SDE2: variants seen among roughly 807,000 people sequenced by gnomAD.
SDE2 encodes the protein splicing regulator SDE2.
Under a neutral mutation model 46.9 loss-of-function variants are expected in SDE2, and 31 were observed. That is an observed-to-expected ratio of 0.66 (90% CI 0.50 to 0.89). The LOEUF is 0.89. Ranked by LOEUF, SDE2 falls within the 40% of genes least tolerant of loss-of-function variation. SDE2 has a pLI of 0.00. For missense variants in SDE2, 542 were observed against 564.4 expected (o/e 0.96, Z 0.40); for synonymous variants, 205 against 204.3 (o/e 1.00, Z -0.03).
chr1:225,992,394 T>A lies in SDE2; in HGVS notation c.520+4A>T. ...TGAACACACTAAGGAATCCTCATTC[T>A]CACCTTTGAGGACGGAATCCTCCAG... is the stretch of plus-strand genomic sequence containing the variant. On this transcript the variant is annotated splice_donor_region_variant and intron_variant, in intron 4 of 6. Transcript: ENST00000272091. 6.2e-7 allele frequency: 1 copy of A among 1,611,584 alleles called. No individual in the cohort carries two copies. Among genetic ancestry groups the A allele is most frequent in the African/African-American group, 1.3e-5 (1 of 75,008 alleles).
chr1:225,993,549 T>C (rs1335767191), intron 2 of SDE2, among the ~76,000 whole-genome samples: 2 of 151,976 alleles, frequency 1.3e-5, no homozygotes, highest in African/African-American at 2.4e-5. Context: ...GAGGCAGAGC[T>C]TGCAGTGAGC....
chr1:225,993,012 T>A lies in SDE2; in HGVS notation c.239-10A>T, dbSNP rs760424116. Reference sequence around the variant, plus strand: ...AGCATAGATCCAAAACCTGAGCAGATGTATTTGGAGAAAGCAGGTTAAAAT... The same window carrying A: ...AGCATAGATCCAAAACCTGAGCAGAAGTATTTGGAGAAAGCAGGTTAAAAT... On this transcript the variant is annotated splice_polypyrimidine_tract_variant and intron_variant, in intron 2 of 6. Transcript: ENST00000272091. 6.7e-7 allele frequency: 1 copy of A among 1,500,794 alleles called. No homozygotes were observed. The highest frequency in any genetic ancestry group is 1.7e-5 in the Admixed American group (1 of 58,888). The allele number at this position is 1,500,794 out of a possible 1,614,324, so 93.0% of individuals were successfully genotyped here.
intron 5 of SDE2, among the ~76,000 whole-genome samples, chr1:225,990,655 A>G (rs1398861702): frequency 6.6e-6 from 1 of 152,218 alleles, no homozygotes; most frequent in Admixed American, 6.5e-5. Context: ...CAAACATTGT[A>G]TGCTGAACTC....
At chr1:225,988,747 CAA>C (rs1656327024) in intron 5 of SDE2, among the ~76,000 whole-genome samples, 1 of 151,978 alleles carries the variant, frequency 6.6e-6, no homozygotes, top group African/African-American at 2.4e-5. Context: ...ATAAATAAAG[CAA>C]AGAGTTATAG....
chr1:225,985,624 T>A (rs1422631473), intron 6 of SDE2, 101 bp from the exon 7 acceptor site: 3 of 719,786 alleles, frequency 4.2e-6, no homozygotes, highest in Non-Finnish European at 7.1e-6. Context: ...TCATTTAATT[T>A]GCCATACCTT....
intron 2 of SDE2, among the ~76,000 whole-genome samples, chr1:225,994,551 CTAG>C (rs1374496810): frequency 6.6e-6 from 1 of 152,158 alleles, no homozygotes; most frequent in Non-Finnish European, 1.5e-5. Flanking sequence ...GTTATCTTTC[CTAG>C]TAGTTGTGTT....
At chr1:225,997,259 T>C (rs75733419) in intron 1 of SDE2, among the ~76,000 whole-genome samples, 1,882 of 152,208 alleles carry the variant, frequency 0.012, 11 homozygotes, top group Middle Eastern at 0.024. Flanking sequence ...TCAGTGGGAG[T>C]TAACACTAAC....
intron 1 of SDE2, among the ~76,000 whole-genome samples, chr1:225,998,624 C>T (rs779027969): frequency 6.6e-6 from 1 of 152,140 alleles, no homozygotes; most frequent in Non-Finnish European, 1.5e-5. Flanking sequence ...CAAATGAGAC[C>T]ATCAAATTAA....
At position 225,992,432 on chromosome 1, in the gene SDE2, C is replaced by T; in HGVS notation, c.486G>A (p.Glu162=). ...TSPDYQQQCH[E]MAERLEDSVL... ...CGGAATCCTCCAGACGCTCAGCCAT[C>T]TCATGGCACTGCTGCTGGTAGTCGG... is the stretch of plus-strand genomic sequence containing the variant. The change falls in exon 4 of 7, where the codon GAG becomes GAA. Residue 162 remains glutamate, a synonymous_variant. Coordinates refer to ENST00000272091, the MANE Select transcript of SDE2 (RefSeq NM_152608.4). 1 of 1,613,714 alleles carries T rather than the reference C, an allele frequency of 6.2e-7. No homozygotes were observed. The highest frequency in any genetic ancestry group is 8.5e-7 in the Non-Finnish European group (1 of 1,179,924).
rs755760365 is a variant in SDE2, at chr1:225,992,545, G to T, written c.373C>A (p.Gln125Lys). 6.2e-7 allele frequency: 1 copy of T among 1,609,040 alleles called. No individual in the cohort carries two copies. The highest frequency in any genetic ancestry group is 8.5e-7 in the Non-Finnish European group (1 of 1,179,270). Residue 125 changes from glutamine to lysine, a missense_variant, in exon 4 of 7, where the codon CAA becomes AAA. Physicochemically the swap from Gln to Lys is moderately conservative, Grantham distance 53. Around this residue, in one of 3 missense-constraint regions of SDE2, gnomAD observed 401 missense variants for 437.8 expected, o/e 0.92. Transcript: ENST00000272091. ...EKAMAEWVKQQAEREAEKEQK... is the reference protein window; with the variant it reads ...EKAMAEWVKQKAEREAEKEQK... The stretch of plus-strand genomic sequence containing the variant: ...TCCTTTTCAGCCTCTCGCTCGGCTT[G>T]TTGTTTTACCCATTCAGCCATTCTG...
intron 2 of SDE2, 89 bp from the exon 3 acceptor site, chr1:225,993,091 T>C: frequency 1.7e-6 from 1 of 603,796 alleles, no homozygotes; most frequent in African/African-American, 1.9e-5. Context: ...TATCACAAGA[T>C]TAACAATGAT....
At chr1:225,993,151 G>C (rs921887044) in intron 2 of SDE2, 149 bp from the exon 3 acceptor site, 1 of 531,474 alleles carries the variant, frequency 1.9e-6, no homozygotes, top group Non-Finnish European at 3.3e-6. Context: ...GAACATCAAG[G>C]TTCTAATTCA....
Position 225,991,233 on chromosome 1 carries a change from A to G in SDE2, c.641+10T>C. ...CAAAGATCAATTGGGAACGAAAGTG[A>G]AACACTTACCAGAAGCATCTCCTCT... On this transcript the variant is annotated intron_variant, in intron 5 of 6. Coordinates refer to ENST00000272091, the MANE Select transcript of SDE2 (RefSeq NM_152608.4). 3 of 1,611,850 alleles carry G rather than the reference A, an allele frequency of 1.9e-6. No individual in the cohort carries two copies. Among genetic ancestry groups the G allele is most frequent in the Non-Finnish European group, 2.5e-6 (3 of 1,178,308 alleles).
chr1:225,994,205 T>G (rs993387559), intron 2 of SDE2, among the ~76,000 whole-genome samples: 2 of 152,096 alleles, frequency 1.3e-5, no homozygotes, highest in African/African-American at 4.8e-5. Flanking sequence ...GCCTCCCAAG[T>G]AGCTGAGATT....
At chr1:225,993,264 TTG>T (rs1401716298) in intron 2 of SDE2, among the ~76,000 whole-genome samples, 2 of 152,162 alleles carry the variant, frequency 1.3e-5, no homozygotes, top group African/African-American at 2.4e-5. Context: ...TTATTTATCC[TTG>T]TGTTAGTTAT....
At chr1:225,995,064 A>AT (rs1411816009) in intron 2 of SDE2, among the ~76,000 whole-genome samples, 1 of 152,200 alleles carries the variant, frequency 6.6e-6, no homozygotes, top group Non-Finnish European at 1.5e-5. Flanking sequence ...AAACAAAAGA[A>AT]TAAGAGAGAA....
rs778514010 is a variant in SDE2 at position 225,999,318 on chromosome 1, C to T, written c.-6G>A. The T allele has an allele frequency of 7.1e-5, 114 of 1,610,652 alleles. No homozygotes were observed. The Middle Eastern group carries it at 1.2e-3, about 16-fold the overall frequency. On this transcript the variant is annotated 5_prime_UTR_variant, in exon 1 of 7. Transcript: ENST00000272091. ...AGCGCCGCGGCCTCCGCCATGTCAC[C>T]GACTACCCGAACCTCAAGCCTCTCT... is the stretch of plus-strand genomic sequence containing the variant.
rs985549233 is a variant in SDE2 at position 225,992,572 on chromosome 1, G to A, written c.351-5C>T. 1.9e-6 allele frequency: 3 copies of A among 1,588,000 alleles called. No individual in the cohort carries two copies. The highest frequency in any genetic ancestry group is 2.6e-6 in the Non-Finnish European group (3 of 1,163,270). On this transcript the variant is annotated splice_region_variant and splice_polypyrimidine_tract_variant and intron_variant, in intron 3 of 6. Transcript: ENST00000272091. Reference sequence around the variant, plus strand: ...TGTTTTACCCATTCAGCCATTCTGGGGATGAGGGAGGAAGAGATATAACTG... The same window carrying A: ...TGTTTTACCCATTCAGCCATTCTGGAGATGAGGGAGGAAGAGATATAACTG...
At position 225,988,016 on chromosome 1, in the gene SDE2, T is replaced by C. The variant is rs1229520225; in HGVS notation, c.1014A>G (p.Gly338=). Residue 338 remains glycine, a synonymous_variant, in exon 6 of 7, where the codon GGA becomes GGG. Coordinates refer to ENST00000272091, the MANE Select transcript of SDE2 (RefSeq NM_152608.4). ...EPIEEEPTGA[G]LNKDKETEER... Reference sequence around the variant, plus strand: ...CTTCTGTCTCTTTATCCTTATTCAGTCCAGCCCCAGTGGGCTCCTCTTCTA... The same window carrying C: ...CTTCTGTCTCTTTATCCTTATTCAGCCCAGCCCCAGTGGGCTCCTCTTCTA... 6.2e-7 allele frequency: 1 copy of C among 1,614,206 alleles called. No individual in the cohort carries two copies. The highest frequency in any genetic ancestry group is 2.2e-5 in the East Asian group (1 of 44,886).
Sources: gnomAD v4.1 joint callset for allele counts (sites outside exome capture counted in the v4.1 genomes callset) on GRCh38, gnomAD v4.1.1 for gene constraint, gnomAD v4.1.1 regional missense constraint, MANE v1.5 for transcripts, NCBI Gene and HGNC (gene_info 2026-07-23, HGNC 2026-07-21) for gene names.